The following AGBL3 variants were observed in gnomAD, a reference collection of about 807,000 sequenced individuals.
AGBL3 encodes the protein cytosolic carboxypeptidase 3.
A neutral mutation model predicts 94.5 loss-of-function variants in AGBL3; 68 were observed. The ratio of observed to expected loss-of-function variants is 0.72; its 90% CI spans 0.59 to 0.88. The LOEUF is 0.88. AGBL3 is among the 40% of genes least tolerant of loss of function. The pLI is 0.00. For synonymous variants in AGBL3, 354 were observed against 370.7 expected, an observed-to-expected ratio of 0.95 and a Z score of 0.52; for missense variants, 934 against 1,103.8, an observed-to-expected ratio of 0.85 and a Z score of 2.18.
chr7:135,076,316 T>A (rs1820445100), intron 12 of AGBL3, 81 bp from the exon 13 acceptor site: 5 of 1,097,716 alleles, frequency 4.6e-6, no homozygotes, highest in Non-Finnish European at 6.6e-6. Flanking sequence ...GAAGTGGGAA[T>A]CTCGAAACAA....
intron 5 of AGBL3, among the ~76,000 whole-genome samples, chr7:135,022,067 T>C (rs144943015): frequency 5.3e-5 from 8 of 152,326 alleles, no homozygotes; most frequent in African/African-American, 1.9e-4. Context: ...CAGTCTATCA[T>C]TGATGGACAT....
At chr7:135,116,776 T>A (rs1170974144) in intron 16 of AGBL3, among the ~76,000 whole-genome samples, 1 of 152,220 alleles carries the variant, frequency 6.6e-6, no homozygotes, top group East Asian at 1.9e-4. Flanking sequence ...ACTGTTTATC[T>A]GTGGTGCTTG....
chr7:135,007,699 G>C (rs1246537707), intron 4 of AGBL3, among the ~76,000 whole-genome samples: 1 of 151,860 alleles, frequency 6.6e-6, no homozygotes, highest in African/African-American at 2.4e-5. Flanking sequence ...AAAAAGTCCA[G>C]ATTGGAAAGA....
At chr7:135,091,924 C>T (rs1821911092) in intron 15 of AGBL3, among the ~76,000 whole-genome samples, 2 of 152,164 alleles carry the variant, frequency 1.3e-5, no homozygotes, top group Non-Finnish European at 2.9e-5. Flanking sequence ...TCTGCTGGCT[C>T]AGAGAAGGGA....
chr7:135,100,115 C>T (rs28683013), intron 15 of AGBL3: 72,919 of 149,826 alleles, frequency 0.49, 18,176 homozygotes, highest in South Asian at 0.66. Flanking sequence ...CTCGATCTCC[C>T]GACCTCGTGA....
In AGBL3 at chr7:135,008,282, A is replaced by T. The variant is rs935048713; in HGVS notation, c.311-8770A>T. Among the ~76,000 whole-genome samples, 9 of 152,178 alleles carry T rather than the reference A, an allele frequency of 5.9e-5. 1 individual carries two copies. Among genetic ancestry groups the T allele is most frequent in the African/African-American group, 2.2e-4 (9 of 41,458 alleles). On this transcript the variant is annotated intron_variant, in intron 4 of 16. Coordinates refer to ENST00000436302, the MANE Select transcript of AGBL3 (RefSeq NM_178563.4). ...GACAGTGTGGTACTGTCATGAGGAT[A>T]GACTTATAGACCAGTGAATTACATT...
intron 16 of AGBL3, among the ~76,000 whole-genome samples, chr7:135,133,067 GCACACACACACACACACA>G (rs55861736): frequency 4.0e-5 from 6 of 150,320 alleles, no homozygotes; most frequent in African/African-American, 1.5e-4. Context: ...ACGCATGCGT[GCACACACACACACACACA>G]CACACACACA....
At chr7:134,991,647 A>G (rs887509740) in intron 3 of AGBL3, among the ~76,000 whole-genome samples, 1 of 152,054 alleles carries the variant, frequency 6.6e-6, no homozygotes, top group Admixed American at 6.6e-5. Context: ...CAATGTTTGT[A>G]TCTCTTCCAA....
intron 15 of AGBL3, among the ~76,000 whole-genome samples, chr7:135,103,877 T>C (rs1824237197): frequency 6.6e-6 from 1 of 152,176 alleles, no homozygotes; most frequent in Non-Finnish European, 1.5e-5. Context: ...CTTCAACTGC[T>C]TTATTTTTTT....
At chr7:135,003,473 T>G (rs1227174152) in intron 4 of AGBL3, among the ~76,000 whole-genome samples, 1 of 151,982 alleles carries the variant, frequency 6.6e-6, no homozygotes, top group African/African-American at 2.4e-5. Flanking sequence ...CTATATGGAA[T>G]CTAAAATAAG....
At chr7:135,132,945 TA>T (rs2117357522) in intron 16 of AGBL3, among the ~76,000 whole-genome samples, 1 of 151,918 alleles carries the variant, frequency 6.6e-6, no homozygotes, top group East Asian at 1.9e-4. Flanking sequence ...AATAAGGCAA[TA>T]AAAAAATAAA....
Position 135,135,101 on chromosome 7 carries a change from T to G in AGBL3, c.2603T>G (p.Met868Arg), listed in dbSNP as rs2117377899. ...GAGACTGCTTCTTCAAGCTTTGGAA[T>G]GGATGCAAATGTTCTAAAATATAAG... is the stretch of plus-strand genomic sequence containing the variant. Reference protein sequence around the residue: ...KWETASSSFGMDANVLKYKSL... With the variant: ...KWETASSSFGRDANVLKYKSL... Residue 868 changes from methionine to arginine, a missense_variant, in exon 17 of 17, where the codon ATG (methionine) becomes AGG (arginine). Met to Arg is a moderately conservative substitution (Grantham distance 91). Around this residue, in one of 3 missense-constraint regions of AGBL3, gnomAD observed 441 missense variants for 518.2 expected, o/e 0.85. Coordinates refer to ENST00000436302, the MANE Select transcript of AGBL3 (RefSeq NM_178563.4). 1 of 1,551,146 alleles carries G rather than the reference T, an allele frequency of 6.4e-7. No individual in the cohort carries two copies. The highest frequency in any genetic ancestry group is 1.7e-4 in the Middle Eastern group (1 of 5,984).
At position 135,005,041 on chromosome 7, in the gene AGBL3, T is replaced by G. The variant is rs887595847; in HGVS notation, c.310+11363T>G. Among the ~76,000 whole-genome samples, 63 of 151,726 alleles carry G rather than the reference T, an allele frequency of 4.2e-4. 1 individual carries two copies. Among genetic ancestry groups the G allele is most frequent in the Admixed American group, 5.3e-4 (8 of 15,224 alleles). Reference sequence around the variant, plus strand: ...TGAAAGGATCGTACAGGAACCCATATGGCCATCAACTAGATTCTTACAATC... The same window carrying G: ...TGAAAGGATCGTACAGGAACCCATAGGGCCATCAACTAGATTCTTACAATC... On this transcript the variant is annotated intron_variant, in intron 4 of 16. Transcript: ENST00000436302.
chr7:135,132,505 A>T (rs1315285071), intron 16 of AGBL3, among the ~76,000 whole-genome samples: 1 of 152,174 alleles, frequency 6.6e-6, no homozygotes, highest in Non-Finnish European at 1.5e-5. Flanking sequence ...ATAGGAATAA[A>T]GGGGATCTTA....
intron 15 of AGBL3, among the ~76,000 whole-genome samples, chr7:135,083,549 C>T (rs965914197): frequency 1.3e-5 from 2 of 150,838 alleles, no homozygotes; most frequent in Middle Eastern, 3.2e-3. Context: ...CATTCTCTTA[C>T]ATTAAAATCA....
rs1187762888 is a variant in AGBL3, at chr7:135,115,394, T to C, written c.2125T>C (p.Leu709=). The change falls in exon 16 of 17, where the codon TTA becomes CTA. Residue 709 remains leucine, a synonymous_variant. Transcript: ENST00000436302. ...TTGCTCCCCAGATCTGCACCACAACTTAAAAAGCAAAATAAAAGAATGCAT... is the reference window on the plus strand; with the variant it reads ...TTGCTCCCCAGATCTGCACCACAACCTAAAAAGCAAAATAAAAGAATGCAT... The part of the protein sequence containing the change: ...PNQGLDLHHN[L]KSKIKECISF... The C allele has an allele frequency of 6.4e-7, 1 of 1,550,566 alleles. No individual in the cohort carries two copies. The highest frequency in any genetic ancestry group is 2.0e-5 in the Admixed American group (1 of 50,876).
Position 135,115,464 on chromosome 7 carries a change from A to C in AGBL3, c.2195A>C (p.Glu732Ala). ...KKTGINWTDD[E>A]KRSYKDKGIV... is the part of the protein sequence containing the mutation. The stretch of plus-strand genomic sequence containing the variant: ...ACTGGCATAAATTGGACAGATGATG[A>C]AAAAAGAAGCTACAAGGATAAAGGA... Residue 732 changes from glutamate to alanine, a missense_variant, in exon 16 of 17, where the codon GAA becomes GCA. This residue lies in a region of AGBL3 where 441 missense variants were observed against 518.2 expected (regional missense o/e 0.85). Coordinates refer to ENST00000436302, the MANE Select transcript of AGBL3 (RefSeq NM_178563.4). 2.6e-6 allele frequency: 4 copies of C among 1,551,396 alleles called. No individual in the cohort carries two copies. Among genetic ancestry groups the C allele is most frequent in the Non-Finnish European group, 3.5e-6 (4 of 1,146,774 alleles).
intron 15 of AGBL3, among the ~76,000 whole-genome samples, chr7:135,084,810 T>C (rs749590059): frequency 2.0e-5 from 3 of 152,116 alleles, no homozygotes; most frequent in Non-Finnish European, 4.4e-5. Context: ...ACCATGAGAG[T>C]GCAGATATCT....
intron 11 of AGBL3, among the ~76,000 whole-genome samples, chr7:135,052,742 G>GATAATGTGTAAGTAAATCCTCT (rs1169138793): frequency 2.7e-4 from 41 of 152,254 alleles, no homozygotes; most frequent in Non-Finnish European, 5.1e-4. Flanking sequence ...GATCAAATAA[G>GATAATGTGTAAGTAAATCCTCT]ATAATGTGTA....
Sources: gnomAD v4.1 joint callset for allele counts (sites outside exome capture counted in the v4.1 genomes callset) on GRCh38, gnomAD v4.1.1 for gene constraint, gnomAD v4.1.1 regional missense constraint, MANE v1.5 for transcripts, NCBI Gene and HGNC (gene_info 2026-07-23, HGNC 2026-07-21) for gene names.